CLDN2: variants seen among roughly 807,000 people sequenced by gnomAD.
CLDN2 encodes claudin 2.
In CLDN2, 1 loss-of-function variant was observed where a neutral mutation model predicts 8.2. The ratio of observed to expected loss-of-function variants is 0.12; its 90% confidence interval spans 0.04 to 0.58. The LOEUF is 0.58. Ranked by LOEUF, CLDN2 falls within the 20% of genes least tolerant of loss-of-function variation. CLDN2 has a pLI of 0.90. For synonymous variants in CLDN2, 70 were observed against 70.2 expected, an observed-to-expected ratio of 1.00 and a Z score of 0.01; for missense variants, 108 against 172.9, an observed-to-expected ratio of 0.62 and a Z score of 2.11.
At chrX:106,904,171 C>T (rs1265356198) in intron 1 of CLDN2, among the ~76,000 whole-genome samples, 1 of 112,396 alleles carries the variant, frequency 8.9e-6, no homozygotes, top group Non-Finnish European at 1.9e-5. Context: ...AGGGTGCTGG[C>T]CCAGTGGTCT....
At chrX:106,906,410 C>T (rs929958394) in intron 1 of CLDN2, among the ~76,000 whole-genome samples, 33 of 111,353 alleles carry the variant, frequency 3.0e-4, no homozygotes, top group Admixed American at 2.5e-3. Context: ...TTGACCCCAG[C>T]GCCCCTCAGT....
chrX:106,909,878 T>C (rs1459264228), intron 1 of CLDN2, among the ~76,000 whole-genome samples: 3 of 111,688 alleles, frequency 2.7e-5, no homozygotes, highest in Non-Finnish European at 5.6e-5. Flanking sequence ...GTGCGGGCTC[T>C]CTTGGCAGAA....
At chrX:106,913,045 A>AT (rs769440042) in intron 1 of CLDN2, among the ~76,000 whole-genome samples, 1 of 111,542 alleles carries the variant, frequency 9.0e-6, no homozygotes, top group East Asian at 2.8e-4. Context: ...CAGATGACTA[A>AT]TGCATGATGT....
Position 106,928,889 on chromosome X carries a change from T to C in CLDN2, c.661T>C (p.Phe221Leu). 1 of 1,210,409 alleles carries C rather than the reference T, an allele frequency of 8.3e-7. No individual in the cohort carries two copies. The change falls in exon 2 of 2, where the codon TTC becomes CTC. Residue 221 changes from phenylalanine to leucine, a missense_variant. This residue lies in a region of CLDN2 where 81 missense variants were observed against 100.8 expected (regional missense o/e 0.80). Transcript: ENST00000336803. ...TCAACCTCCCAAAGTCAAGAGTGAG[T>C]TCAATTCCTACAGCCTGACAGGGTA... ...PGQPPKVKSE[F>L]NSYSLTGYV
chrX:106,927,745 A>C (rs1207076410), intron 1 of CLDN2, among the ~76,000 whole-genome samples: 1 of 111,906 alleles, frequency 8.9e-6, no homozygotes, highest in Non-Finnish European at 1.9e-5. Flanking sequence ...GTTGCTTGGC[A>C]ATGTATTAAA....
At chrX:106,908,938 A>G (rs1013099590) in intron 1 of CLDN2, among the ~76,000 whole-genome samples, 2 of 111,847 alleles carry the variant, frequency 1.8e-5, no homozygotes, top group Admixed American at 1.9e-4. Flanking sequence ...TCATTTAGTT[A>G]GTGCTGCTCA....
chrX:106,912,791 T>C (rs780536387), intron 1 of CLDN2, among the ~76,000 whole-genome samples: 1 of 111,383 alleles, frequency 9.0e-6, no homozygotes, highest in African/African-American at 3.3e-5. Context: ...AAAATGATCC[T>C]GTCACCTCAA....
chrX:106,914,600 T>C (rs1933289696), upstream of CLDN2, among the ~76,000 whole-genome samples: 1 of 111,850 alleles, frequency 8.9e-6, no homozygotes, highest in African/African-American at 3.2e-5. Flanking sequence ...ATATTGAATA[T>C]AATGCCACTT....
chrX:106,902,330 TTTCC>T, intron 1 of CLDN2: 1 of 554,855 alleles, frequency 1.8e-6, no homozygotes, highest in Non-Finnish European at 3.0e-6. Flanking sequence ...CCAGGAAGCC[TTTCC>T]TAAGGCTCCT....
At chrX:106,902,226 G>A (rs765575096) in intron 1 of CLDN2, 3 of 1,154,158 alleles carry the variant, frequency 2.6e-6, no homozygotes, top group Middle Eastern at 2.4e-4. Flanking sequence ...CTGGGACAAA[G>A]AGGAGAGATC....
At chrX:106,905,045 C>CA (rs1322144055) in intron 1 of CLDN2, among the ~76,000 whole-genome samples, 3 of 111,222 alleles carry the variant, frequency 2.7e-5, no homozygotes, top group Admixed American at 9.5e-5. Flanking sequence ...AGGAAAGGCA[C>CA]AAAAAATAAA....
chrX:106,921,026 C>G (rs1051717147), intron 1 of CLDN2, among the ~76,000 whole-genome samples: 5 of 111,835 alleles, frequency 4.5e-5, no homozygotes, highest in African/African-American at 1.6e-4. Context: ...GACTCTCCCT[C>G]ACTGGTCTGC....
chrX:106,903,172 C>T, intron 1 of CLDN2: 2 of 1,211,175 alleles, frequency 1.7e-6, no homozygotes, highest in Non-Finnish European at 2.2e-6. Flanking sequence ...GGAGAGAAGG[C>T]AAGATGGGCT....
chrX:106,902,025 T>C, intron 1 of CLDN2: 1 of 550,088 alleles, frequency 1.8e-6, no homozygotes, highest in Non-Finnish European at 3.0e-6. Context: ...ACTGTGAGGA[T>C]GCTATCTCAG....
upstream of CLDN2, among the ~76,000 whole-genome samples, chrX:106,917,072 C>G (rs1022582306): frequency 2.1e-4 from 24 of 111,940 alleles, 1 homozygote; most frequent in African/African-American, 7.5e-4. Context: ...AGACAACTTT[C>G]AGCTATCCAA....
chrX:106,925,679 C>A (rs1466642401), intron 1 of CLDN2, among the ~76,000 whole-genome samples: 1 of 112,169 alleles, frequency 8.9e-6, no homozygotes, highest in Non-Finnish European at 1.9e-5. Context: ...GGGAGAAAGA[C>A]AAGTTAGAAA....
At chrX:106,922,485 A>C (rs1846077387) in intron 1 of CLDN2, among the ~76,000 whole-genome samples, 1 of 112,353 alleles carries the variant, frequency 8.9e-6, no homozygotes, top group African/African-American at 3.2e-5. Flanking sequence ...TGGGAAACTC[A>C]AGCTTGACTC....
chrX:106,928,129 G>A lies in CLDN2; in HGVS notation c.-100G>A, dbSNP rs183323379. 3.5e-5 allele frequency: 22 copies of A among 628,882 alleles called. No individual in the cohort carries two copies. The East Asian group carries it at 7.5e-4, about 21-fold the overall frequency. 51.8% of individuals were successfully genotyped at this position (628,882 alleles called of 1,213,427 possible). A position where few individuals can be genotyped will look rare whatever the true frequency, so the allele number is the denominator to read the frequency against. On this transcript the variant is annotated 5_prime_UTR_variant, in exon 2 of 2. Coordinates refer to ENST00000336803, the MANE Select transcript of CLDN2 (RefSeq NM_020384.4). ...GGAGGAGAGAAGTCAGCCTGGCAGA[G>A]AGACTCTGAAATGAGGGATTAGAGG...
intron 1 of CLDN2, among the ~76,000 whole-genome samples, chrX:106,909,707 C>T (rs934524715): frequency 3.6e-5 from 4 of 112,290 alleles, no homozygotes; most frequent in African/African-American, 1.3e-4. Flanking sequence ...GGGCCTCTGC[C>T]CTCAAGTCCA....
Sources: allele counts gnomAD v4.1 joint callset (sites outside exome capture counted in the v4.1 genomes callset), GRCh38; gene constraint gnomAD v4.1.1; regional missense constraint gnomAD v4.1.1; transcripts MANE v1.5; gene names NCBI Gene and HGNC (gene_info 2026-07-23, HGNC 2026-07-21).